Variants in TRDN observed in about 807,000 individuals in gnomAD.
The protein encoded by TRDN is triadin in skeletal muscle.
Under a neutral mutation model 149.7 loss-of-function variants are expected in TRDN, and 161 were observed. That is an observed-to-expected ratio of 1.08 (90% CI 0.95 to 1.23). The LOEUF is 1.23. Among genes scored for constraint, TRDN ranks in the 50% most tolerant of loss-of-function variants. The pLI is 0.00. For synonymous variants in TRDN, 294 were observed against 250.5 expected (o/e 1.17, Z -1.64); for missense variants, 896 against 823.5 (o/e 1.09, Z -1.08).
chr6:123,494,933 CATG>C (rs1778378074), intron 9 of TRDN, among the ~76,000 whole-genome samples: 1 of 151,858 alleles, frequency 6.6e-6, no homozygotes, highest in Non-Finnish European at 1.5e-5. Context: ...GGGGTTTCAC[CATG>C]TTGGCCAGGC....
intron 12 of TRDN, among the ~76,000 whole-genome samples, chr6:123,415,812 C>A (rs1258781548): frequency 6.6e-6 from 1 of 152,118 alleles, no homozygotes; most frequent in East Asian, 1.9e-4. Flanking sequence ...ATTGCATATA[C>A]TGTATAGACA....
intron 21 of TRDN, among the ~76,000 whole-genome samples, chr6:123,342,131 T>C (rs1043542822): frequency 3.3e-5 from 5 of 151,902 alleles, no homozygotes; most frequent in Admixed American, 3.3e-4. Context: ...GCCTTAATAA[T>C]CTGACTACTA....
chr6:123,518,596 G>A (rs1270048700), intron 5 of TRDN, among the ~76,000 whole-genome samples: 1 of 152,138 alleles, frequency 6.6e-6, no homozygotes, highest in Non-Finnish European at 1.5e-5. Flanking sequence ...GCATAAATGG[G>A]AGAATTAACA....
At chr6:123,338,891 A>G (rs1046254241) in intron 21 of TRDN, among the ~76,000 whole-genome samples, 2 of 152,184 alleles carry the variant, frequency 1.3e-5, no homozygotes, top group African/African-American at 4.8e-5. Context: ...TAATTTTAAA[A>G]TTGGGGAAGG....
intron 5 of TRDN, among the ~76,000 whole-genome samples, chr6:123,530,062 C>T (rs1166903871): frequency 6.6e-6 from 1 of 151,886 alleles, no homozygotes; most frequent in African/African-American, 2.4e-5. Context: ...GTGGGGCTTT[C>T]TTACATGACC....
In TRDN at chr6:123,265,223, G is replaced by T. The variant is rs563352237; in HGVS notation, c.1804+95C>A. On this transcript the variant is annotated intron_variant, in intron 33 of 40. Transcript: ENST00000334268. ...ATAATGGCTATTACATTAACAAACA[G>T]ACCATACTATTTAACTTCAGTTATA... 1.9e-4 allele frequency: 179 copies of T among 957,560 alleles called. No homozygotes were observed. The African/African-American group carries it at 2.6e-3, about 14-fold the overall frequency. 59.3% of individuals were successfully genotyped at this position (957,560 alleles called of 1,614,324 possible).
Position 123,272,984 on chromosome 6 carries a change from GTCTTT to G in TRDN, c.1647_1651del (p.Glu549AspfsTer6). Reference sequence around the variant, plus strand: ...AATACCTGGTTTACCATGAGAAACAGTCTTTTCTGGTTTCACTATGTCTTGTTCTG... The same window carrying G: ...AATACCTGGTTTACCATGAGAAACAGTCTGGTTTCACTATGTCTTGTTCTG... On this transcript the variant is annotated frameshift_variant, in exon 29 of 41. Transcript: ENST00000334268. LOFTEE classifies it high-confidence loss of function. The G allele has an allele frequency of 6.5e-7, 1 of 1,529,710 alleles. No homozygotes were observed. The highest frequency in any genetic ancestry group is 8.8e-7 in the Non-Finnish European group (1 of 1,138,836). The allele number at this position is 1,529,710 out of a possible 1,614,324, so 94.8% of individuals were successfully genotyped here.
chr6:123,411,435 C>T (rs747818443), intron 12 of TRDN, among the ~76,000 whole-genome samples: 6 of 151,934 alleles, frequency 3.9e-5, no homozygotes, highest in African/African-American at 9.7e-5. Flanking sequence ...GGAGAGTTTG[C>T]GAATAGAGGC....
chr6:123,606,799 T>C (rs189882309), intron 1 of TRDN, among the ~76,000 whole-genome samples: 4 of 152,338 alleles, frequency 2.6e-5, no homozygotes, highest in African/African-American at 4.8e-5. Flanking sequence ...AATTATGGGT[T>C]AGATGTGCTA....
Position 123,554,600 on chromosome 6 carries a change from A to G in TRDN, c.233-5988T>C, listed in dbSNP as rs1328959757. On this transcript the variant is annotated intron_variant, in intron 2 of 40. Transcript: ENST00000334268. Reference sequence around the variant, plus strand: ...GAGTTACATGTCAATTTTTGCTTAAATTACTGTGAAATTACTTAGTCTTTG... The same window carrying G: ...GAGTTACATGTCAATTTTTGCTTAAGTTACTGTGAAATTACTTAGTCTTTG... Among the ~76,000 whole-genome samples the G allele has an allele frequency of 2.6e-5, 4 of 152,176 alleles. No homozygotes were observed. In the East Asian group the frequency reaches 7.7e-4, roughly 29 times the overall value.
rs183462088 is a variant in TRDN at position 123,261,917 on chromosome 6, G to C, written c.1805-1279C>G. On this transcript the variant is annotated intron_variant, in intron 33 of 40. Transcript: ENST00000334268. ...TTAAAATTGGCATTGAATCCATTAT[G>C]AAGTAGCCTGTAGCTGCATTATTAA... 8.4e-4 allele frequency among the ~76,000 whole-genome samples: 127 copies of C among 152,008 alleles called. 1 individual carries two copies. Among genetic ancestry groups the C allele is most frequent in the Non-Finnish European group, 5.9e-4 (40 of 67,880 alleles).
chr6:123,444,502 TA>T (rs1175517417), intron 10 of TRDN, among the ~76,000 whole-genome samples: 2 of 151,010 alleles, frequency 1.3e-5, no homozygotes, highest in Non-Finnish European at 2.9e-5. Context: ...CCTAATTGAA[TA>T]CCATTTATTT....
intron 28 of TRDN, 91 bp downstream of exon 28, chr6:123,273,246 A>G: frequency 3.1e-6 from 3 of 961,970 alleles, no homozygotes; most frequent in Non-Finnish European, 2.9e-6. Context: ...ACATAAATAT[A>G]AAAGCACAGG....
At chr6:123,519,277 GC>G (rs1779555090) in intron 5 of TRDN, among the ~76,000 whole-genome samples, 4 of 152,070 alleles carry the variant, frequency 2.6e-5, no homozygotes, top group Admixed American at 2.6e-4. Context: ...TCCTGCCCTT[GC>G]CCAGACTCTG....
chr6:123,304,160 T>C (rs1562253353), intron 24 of TRDN, among the ~76,000 whole-genome samples: 1 of 151,836 alleles, frequency 6.6e-6, no homozygotes, highest in Non-Finnish European at 1.5e-5. Context: ...GCAGACAGAA[T>C]AACCATATAA....
chr6:123,496,279 T>TG (rs1778444562), intron 9 of TRDN, among the ~76,000 whole-genome samples: 1 of 151,438 alleles, frequency 6.6e-6, no homozygotes, highest in African/African-American at 2.4e-5. Flanking sequence ...AGGTTCTCAT[T>TG]GTCTAGTTTT....
chr6:123,313,555 T>A (rs552785290), intron 24 of TRDN, among the ~76,000 whole-genome samples: 102 of 151,992 alleles, frequency 6.7e-4, no homozygotes, highest in Admixed American at 3.8e-3. Context: ...TCCACTCCAA[T>A]CCCTAGTCAC....
chr6:123,588,378 G>A (rs181712733), intron 1 of TRDN, among the ~76,000 whole-genome samples: 3 of 152,274 alleles, frequency 2.0e-5, no homozygotes, highest in African/African-American at 2.4e-5. Flanking sequence ...ATGCTGGCAA[G>A]TTGCACCTGA....
In TRDN at chr6:123,449,686, A is replaced by G. The variant is rs1314088067; in HGVS notation, c.932-10683T>C. Among the ~76,000 whole-genome samples the G allele has an allele frequency of 2.6e-5, 4 of 152,304 alleles. No homozygotes were observed. The East Asian group carries it at 7.7e-4, about 29-fold the overall frequency. On this transcript the variant is annotated intron_variant, in intron 10 of 40. Coordinates refer to ENST00000334268, the MANE Select transcript of TRDN (RefSeq NM_006073.4). ...GAAAACTACTCCAGCCTTGCTAGAGACTTAGACATCCAAATACAAGAAGCA... is the reference window on the plus strand; with the variant it reads ...GAAAACTACTCCAGCCTTGCTAGAGGCTTAGACATCCAAATACAAGAAGCA...
Sources: allele counts gnomAD v4.1 joint callset (sites outside exome capture counted in the v4.1 genomes callset), GRCh38; gene constraint gnomAD v4.1.1; transcripts MANE v1.5; gene names NCBI Gene and HGNC (gene_info 2026-07-23, HGNC 2026-07-21).